Variants in DHCR24 observed in about 807,000 individuals in gnomAD.
DHCR24 encodes delta(24)-sterol reductase.
In DHCR24, 28 loss-of-function variants were observed where a neutral mutation model predicts 61.2. The observed-to-expected ratio is 0.46, with a 90% CI of 0.34 to 0.63. The LOEUF is 0.63. Among genes scored for constraint, DHCR24 ranks in the 20% least tolerant of loss-of-function variants. DHCR24 has a pLI of 0.01. For missense variants in DHCR24, 538 were observed against 679.1 expected (o/e 0.79, Z 2.31); for synonymous variants, 261 against 275.9 (o/e 0.95, Z 0.54).
At chr1:54,871,122 A>G (rs543694289) in intron 5 of DHCR24, among the ~76,000 whole-genome samples, 1 of 152,358 alleles carries the variant, frequency 6.6e-6, no homozygotes, top group African/African-American at 2.4e-5. Flanking sequence ...ACATCCACTA[A>G]GAGACAAGCA....
intron 4 of DHCR24, among the ~76,000 whole-genome samples, chr1:54,873,574 G>T (rs1647010912): frequency 6.6e-6 from 1 of 152,246 alleles, no homozygotes; most frequent in Non-Finnish European, 1.5e-5. Flanking sequence ...AGACTTTCCA[G>T]TGGGACAAGA....
At chr1:54,867,157 C>T (rs1646972173) in intron 5 of DHCR24, among the ~76,000 whole-genome samples, 1 of 152,184 alleles carries the variant, frequency 6.6e-6, no homozygotes, top group Non-Finnish European at 1.5e-5. Flanking sequence ...CCAGTCCACC[C>T]CAGCCCTTGA....
intron 2 of DHCR24, among the ~76,000 whole-genome samples, chr1:54,879,330 A>AGG (rs1557439364): frequency 0.59 from 53,882 of 90,710 alleles, 13,771 homozygotes; most frequent in South Asian, 0.72. Flanking sequence ...CTGAAAAAAA[A>AGG]AAAAAAAAAA....
rs1646872335 is a variant in DHCR24, at chr1:54,850,998, G to T, written c.*1235C>A. On this transcript the variant is annotated 3_prime_UTR_variant, in exon 9 of 9. Transcript: ENST00000371269. ...CCTTCTCAGATTCGGGTTTTCAGCT[G>T]AGGCTGGGCAGTTCTTAAGATAGAG... 1 of 152,542 alleles carries T rather than the reference G, an allele frequency of 6.6e-6. No individual in the cohort carries two copies. The highest frequency in any genetic ancestry group is 6.5e-5 in the Admixed American group (1 of 15,278). 9.4% of individuals were successfully genotyped at this position (152,542 alleles called of 1,614,324 possible).
Position 54,851,771 on chromosome 1 carries a change from C to T in DHCR24, c.*462G>A, listed in dbSNP as rs648804. On this transcript the variant is annotated 3_prime_UTR_variant, in exon 9 of 9. Coordinates refer to ENST00000371269, the MANE Select transcript of DHCR24 (RefSeq NM_014762.4). Reference sequence around the variant, plus strand: ...CTCCAGCGTATCCCCTTCATCATTCCAGCCATGGCTGTGCACAGGTGACCT... The same window carrying T: ...CTCCAGCGTATCCCCTTCATCATTCTAGCCATGGCTGTGCACAGGTGACCT... 4,524 of 171,368 alleles carry T rather than the reference C, an allele frequency of 0.026. 235 individuals are homozygous for T. The highest frequency in any genetic ancestry group is 0.1 in the African/African-American group (4,216 of 41,858). The allele number at this position is 171,368 out of a possible 1,614,324, so 10.6% of individuals were successfully genotyped here. A position where few individuals can be genotyped will look rare whatever the true frequency, so the allele number is the denominator to read the frequency against.
At chr1:54,872,717 C>T (rs139786251) in intron 4 of DHCR24, among the ~76,000 whole-genome samples, 1 of 152,182 alleles carries the variant, frequency 6.6e-6, no homozygotes, top group Admixed American at 6.5e-5. Flanking sequence ...AGTGAGGAAC[C>T]TGGGCCTCAG....
At position 54,883,591 on chromosome 1, in the gene DHCR24, C is replaced by T. The variant is rs1288010276; in HGVS notation, c.387+27G>A. 6.2e-7 allele frequency: 1 copy of T among 1,613,990 alleles called. No individual in the cohort carries two copies. The highest frequency in any genetic ancestry group is 1.1e-5 in the South Asian group (1 of 91,026). On this transcript the variant is annotated intron_variant, in intron 2 of 8. Transcript: ENST00000371269. This position sits in a 1 kb window ranked among gnomAD's most constrained non-coding sequence, Gnocchi z 4.3. Reference sequence around the variant, plus strand: ...CCAGGGGCAGTGCCCCACCTGCTCCCAGAGCCCGGAAAAGTGCTACTCTCA... The same window carrying T: ...CCAGGGGCAGTGCCCCACCTGCTCCTAGAGCCCGGAAAAGTGCTACTCTCA...
At chr1:54,856,807 G>C (rs1646909828) in intron 6 of DHCR24, among the ~76,000 whole-genome samples, 1 of 152,182 alleles carries the variant, frequency 6.6e-6, no homozygotes, top group South Asian at 2.1e-4. Flanking sequence ...AACAGTGTGT[G>C]CAATTTTCAT....
intron 5 of DHCR24, among the ~76,000 whole-genome samples, chr1:54,870,463 C>T (rs1291121526): frequency 1.3e-5 from 2 of 152,070 alleles, no homozygotes; most frequent in Non-Finnish European, 2.9e-5. Flanking sequence ...TCCAGGATCC[C>T]CCAAAATCCA....
chr1:54,860,365 C>A (rs1437989919), intron 6 of DHCR24, among the ~76,000 whole-genome samples: 1 of 152,194 alleles, frequency 6.6e-6, no homozygotes, highest in Non-Finnish European at 1.5e-5. Flanking sequence ...CATTCTCAGT[C>A]TCTTCTCTGA....
rs573285056 is a variant in DHCR24, at chr1:54,879,352, A to AAAAAAAAAAAG, written c.388-3306_388-3305insCTTTTTTTTTT. 1.6e-4 allele frequency among the ~76,000 whole-genome samples: 21 copies of AAAAAAAAAAAG among 128,156 alleles called. 1 individual carries two copies. Among genetic ancestry groups the AAAAAAAAAAAG allele is most frequent in the Admixed American group, 2.5e-4 (3 of 11,958 alleles). 84.1% of individuals were successfully genotyped at this position (128,156 alleles called of 152,430 possible). ...AAAAAAAAAAAAAAAAAAAAAAAAA[A>AAAAAAAAAAAG]TCCAAATCAAACTTCTGGAAATGAA... is the stretch of plus-strand genomic sequence containing the variant. On this transcript the variant is annotated intron_variant, in intron 2 of 8. Coordinates refer to ENST00000371269, the MANE Select transcript of DHCR24 (RefSeq NM_014762.4).
intron 6 of DHCR24, among the ~76,000 whole-genome samples, 156 bp downstream of exon 6, chr1:54,865,147 G>A (rs1429972399): frequency 6.6e-6 from 1 of 152,108 alleles, no homozygotes; most frequent in Non-Finnish European, 1.5e-5. Context: ...CCTTCAGAAG[G>A]AAACGACTGT....
chr1:54,859,570 T>C (rs1198732487), intron 6 of DHCR24, among the ~76,000 whole-genome samples: 1 of 152,140 alleles, frequency 6.6e-6, no homozygotes. Flanking sequence ...ACTTCCTGGG[T>C]TCTCCTGCCT....
rs1025812517 is a variant in DHCR24, at chr1:54,887,179, C to A, written c.-60G>T. 10 of 1,423,164 alleles carry A rather than the reference C, an allele frequency of 7.0e-6. No homozygotes were observed. Among genetic ancestry groups the A allele is most frequent in the Admixed American group, 2.0e-5 (1 of 49,646 alleles). The allele number at this position is 1,423,164 out of a possible 1,614,324, so 88.2% of individuals were successfully genotyped here. ...CGCCTCCTGTCACTGCCGCCAGCTCCGCGCCTGGCCCGCTCTGCGCCTGTA... is the reference window on the plus strand; with the variant it reads ...CGCCTCCTGTCACTGCCGCCAGCTCAGCGCCTGGCCCGCTCTGCGCCTGTA... On this transcript the variant is annotated 5_prime_UTR_variant, in exon 1 of 9. Transcript: ENST00000371269.
intron 2 of DHCR24, among the ~76,000 whole-genome samples, chr1:54,877,768 T>G (rs1202550567): frequency 6.6e-6 from 1 of 151,874 alleles, no homozygotes; most frequent in Non-Finnish European, 1.5e-5. Context: ...CTCAGCACTT[T>G]GGGAGACCGA....
chr1:54,857,805 C>T (rs1646915741), intron 6 of DHCR24, among the ~76,000 whole-genome samples: 1 of 152,172 alleles, frequency 6.6e-6, no homozygotes, highest in Non-Finnish European at 1.5e-5. Context: ...CCTGGCCCTA[C>T]AAATTATGCA....
chr1:54,860,994 GAAA>G (rs10547670), intron 6 of DHCR24, among the ~76,000 whole-genome samples: 79,313 of 143,606 alleles, frequency 0.55, 23,372 homozygotes, highest in South Asian at 0.71. Flanking sequence ...TCTCAAAAAA[GAAA>G]AAAAAAAAAA....
intron 6 of DHCR24, among the ~76,000 whole-genome samples, chr1:54,863,855 A>G (rs1446086702): frequency 6.6e-6 from 1 of 152,234 alleles, no homozygotes; most frequent in Non-Finnish European, 1.5e-5. Context: ...TCTCAACAAC[A>G]AAGACAAATG....
At chr1:54,854,377 A>G (rs1646895569) in intron 6 of DHCR24, 143 bp from the exon 7 acceptor site, 2 of 696,420 alleles carry the variant, frequency 2.9e-6, no homozygotes, top group Admixed American at 5.6e-5. Context: ...AGGGGGTGTG[A>G]TGGGACCTAG....
Sources: gnomAD v4.1 joint callset for allele counts (sites outside exome capture counted in the v4.1 genomes callset) on GRCh38, gnomAD v4.1.1 for gene constraint, Gnocchi (gnomAD v3.1) non-coding constraint, MANE v1.5 for transcripts, NCBI Gene and HGNC (gene_info 2026-07-23, HGNC 2026-07-21) for gene names.